The following CNTN6 variants were observed in gnomAD, a reference collection of about 807,000 sequenced individuals.
CNTN6 encodes contactin-6.
In CNTN6, 137 loss-of-function variants were observed where a neutral mutation model predicts 122.8. That is an observed-to-expected ratio of 1.12 (90% CI 0.97 to 1.29). The LOEUF is 1.29. CNTN6 is among the 50% of genes most tolerant of loss of function. The pLI is 0.00. For missense variants in CNTN6, 1,634 were observed against 1,223.4 expected (o/e 1.34, Z -5.01); for synonymous variants, 570 against 426.0 (o/e 1.34, Z -4.16).
At chr3:1,286,060 T>A (rs1457800436) in intron 5 of CNTN6, among the ~76,000 whole-genome samples, 1 of 152,220 alleles carries the variant, frequency 6.6e-6, no homozygotes, top group Non-Finnish European at 1.5e-5. Context: ...GAAAGACTAT[T>A]TTCCTTGCTT....
intron 17 of CNTN6, among the ~76,000 whole-genome samples, chr3:1,382,231 G>T (rs1311044713): frequency 6.6e-6 from 1 of 152,018 alleles, no homozygotes; most frequent in Non-Finnish European, 1.5e-5. Flanking sequence ...ATTTTAATTT[G>T]CTAAGTTTAT....
rs1702670000 is a variant in CNTN6 at position 1,333,856 on chromosome 3, A to G, written c.1364+3921A>G. On this transcript the variant is annotated intron_variant, in intron 11 of 22. Transcript: ENST00000446702. ...GCTTAGACTTGGTGCCAAGTCTTCC[A>G]TCTCTGTATTCACGTCTTTTCCTCT... is the stretch of plus-strand genomic sequence containing the variant. Among the ~76,000 whole-genome samples the G allele has an allele frequency of 1.3e-5, 2 of 152,132 alleles. 1 individual carries two copies. Among genetic ancestry groups the G allele is most frequent in the South Asian group, 4.1e-4 (2 of 4,834 alleles).
At chr3:1,330,435 C>T (rs940731422) in intron 11 of CNTN6, among the ~76,000 whole-genome samples, 3 of 151,622 alleles carry the variant, frequency 2.0e-5, no homozygotes, top group Admixed American at 2.0e-4. Flanking sequence ...TTGAGAAACC[C>T]TAGGTCAGCA....
rs1709166076 is a variant in CNTN6 at position 1,372,396 on chromosome 3, AGTGGT to A, written c.1591_1595del (p.Val531IlefsTer20). 6.2e-7 allele frequency: 1 copy of A among 1,613,322 alleles called. No homozygotes were observed. The highest frequency in any genetic ancestry group is 1.1e-5 in the South Asian group (1 of 91,052). The stretch of plus-strand genomic sequence containing the variant: ...AGGTGTCCCATGACCCCTCCATTGA[AGTGGT>A]ATTTGTATGGTTTTTCAATGGAGAT... On this transcript the variant is annotated frameshift_variant, in exon 13 of 23. Transcript: ENST00000446702. LOFTEE classifies it high-confidence loss of function.
chr3:1,253,388 T>C (rs1201999279), intron 4 of CNTN6, among the ~76,000 whole-genome samples: 1 of 152,168 alleles, frequency 6.6e-6, no homozygotes, highest in Non-Finnish European at 1.5e-5. Context: ...TAAATAGTTA[T>C]TGGTGTTTAT....
At chr3:1,388,153 A>C (rs2126207779) in intron 20 of CNTN6, among the ~76,000 whole-genome samples, 1 of 151,862 alleles carries the variant, frequency 6.6e-6, no homozygotes, top group South Asian at 2.1e-4. Flanking sequence ...TGCAGAGTTA[A>C]ATGTCCCTGT....
chr3:1,209,251 G>T (rs1559517001), intron 2 of CNTN6, among the ~76,000 whole-genome samples: 1 of 152,142 alleles, frequency 6.6e-6, no homozygotes, highest in Non-Finnish European at 1.5e-5. Context: ...TATACCATGT[G>T]TATACCATTA....
intron 12 of CNTN6, among the ~76,000 whole-genome samples, chr3:1,364,447 C>T (rs541393117): frequency 4.2e-4 from 64 of 151,576 alleles, no homozygotes; most frequent in Non-Finnish European, 8.0e-4. Context: ...ACTTCAGCAA[C>T]ACCTTAGCAG....
intron 16 of CNTN6, among the ~76,000 whole-genome samples, chr3:1,376,010 G>A (rs1709807140): frequency 6.6e-6 from 1 of 152,044 alleles, no homozygotes; most frequent in Admixed American, 6.6e-5. Flanking sequence ...CCAATCCCCA[G>A]ACATATCCAA....
intron 11 of CNTN6, among the ~76,000 whole-genome samples, chr3:1,337,571 A>C (rs1197087988): frequency 6.6e-6 from 1 of 152,104 alleles, no homozygotes; most frequent in African/African-American, 2.4e-5. Flanking sequence ...CCAACTACTT[A>C]ATATAATAGT....
intron 12 of CNTN6, among the ~76,000 whole-genome samples, chr3:1,356,574 C>G (rs889040429): frequency 1.3e-5 from 2 of 151,716 alleles, no homozygotes; most frequent in African/African-American, 2.4e-5. Context: ...GCTTTATTGA[C>G]AAGCCCAGTT....
intron 12 of CNTN6, among the ~76,000 whole-genome samples, chr3:1,365,574 C>T (rs747087001): frequency 7.9e-5 from 12 of 151,840 alleles, no homozygotes; most frequent in Non-Finnish European, 1.3e-4. Context: ...TTTCTATGTA[C>T]GAACACTGTA....
chr3:1,389,925 C>A (rs1282010325), intron 20 of CNTN6, among the ~76,000 whole-genome samples: 1 of 150,850 alleles, frequency 6.6e-6, no homozygotes, highest in Non-Finnish European at 1.5e-5. Context: ...CCTGAGTGAC[C>A]TACAAAGAGA....
intron 11 of CNTN6, among the ~76,000 whole-genome samples, chr3:1,339,580 G>A (rs978910959): frequency 5.3e-5 from 8 of 152,098 alleles, no homozygotes; most frequent in East Asian, 1.9e-4. Context: ...TCAACAGGTT[G>A]CAGGTAACTG....
At chr3:1,127,660 C>T (rs887482225) in intron 1 of CNTN6, among the ~76,000 whole-genome samples, 1 of 151,930 alleles carries the variant, frequency 6.6e-6, no homozygotes, top group East Asian at 1.9e-4. Context: ...TGAATTTTTA[C>T]TTTCTGAATC....
intron 5 of CNTN6, among the ~76,000 whole-genome samples, chr3:1,287,958 T>C (rs1694631425): frequency 6.6e-6 from 1 of 151,662 alleles, no homozygotes; most frequent in African/African-American, 2.4e-5. Flanking sequence ...CTGTTACTTA[T>C]TCCTCTACTT....
chr3:1,273,388 A>T (rs540278005), intron 4 of CNTN6, among the ~76,000 whole-genome samples: 2 of 152,334 alleles, frequency 1.3e-5, no homozygotes, highest in African/African-American at 4.8e-5. Flanking sequence ...TCCTTGTAGA[A>T]GAATAAATCT....
chr3:1,271,274 A>G (rs2095022328), intron 4 of CNTN6, among the ~76,000 whole-genome samples: 1 of 152,234 alleles, frequency 6.6e-6, no homozygotes, highest in South Asian at 2.1e-4. Context: ...CAGCAGGAGC[A>G]GAGAGAGCTG....
chr3:1,329,720 C>T, intron 10 of CNTN6, 65 bp from the exon 11 acceptor site: 3 of 1,344,304 alleles, frequency 2.2e-6, no homozygotes, highest in Non-Finnish European at 2.0e-6. Context: ...CATAGCAAGT[C>T]ACCCCTGGAG....
Sources: allele counts gnomAD v4.1 joint callset (sites outside exome capture counted in the v4.1 genomes callset), GRCh38; gene constraint gnomAD v4.1.1; transcripts MANE v1.5; gene names NCBI Gene and HGNC (gene_info 2026-07-23, HGNC 2026-07-21).